The following TSC2 variants were observed in gnomAD, a reference collection of about 807,000 sequenced individuals.
TSC2 encodes tuberin.
In TSC2, 29 loss-of-function variants were observed where a neutral mutation model predicts 202.2. The ratio of observed to expected loss-of-function variants is 0.14; its 90% confidence interval spans 0.11 to 0.20. The LOEUF (loss-of-function observed/expected upper bound fraction) is 0.20, where lower values mean the gene tolerates loss of function less well. Among genes scored for constraint, TSC2 ranks in the 10% least tolerant of loss-of-function variants. The pLI, the probability that TSC2 is intolerant of heterozygous loss-of-function variation, is 1.00. For missense variants in TSC2, 2,429 were observed against 2,420.0 expected (o/e 1.00, Z -0.08); for synonymous variants, 1,349 against 1,044.0 (o/e 1.29, Z -5.63).
rs1346678348 is a variant in TSC2 at position 2,056,185 on chromosome 16, G to T, written c.600-11G>T. 1.2e-6 allele frequency: 2 copies of T among 1,613,804 alleles called. No individual in the cohort carries two copies. Among genetic ancestry groups the T allele is most frequent in the Non-Finnish European group, 1.7e-6 (2 of 1,180,036 alleles). On this transcript the variant is annotated splice_polypyrimidine_tract_variant and intron_variant, in intron 6 of 41. Transcript: ENST00000219476. The stretch of plus-strand genomic sequence containing the variant: ...CAGTGCTGCCGGGACTGAGCTCGGT[G>T]CTCCCTGCAGGATGATCTGTCTGCT...
chr16:2,089,325 A>T lies in TSC2; in HGVS notation c.*715A>T, dbSNP rs1322515397. The T allele has an allele frequency of 3.3e-6, 1 of 301,302 alleles. No individual in the cohort carries two copies. Among genetic ancestry groups the T allele is most frequent in the Non-Finnish European group, 6.3e-6 (1 of 159,686 alleles). 18.7% of individuals were successfully genotyped at this position (301,302 alleles called of 1,614,324 possible). A position where few individuals can be genotyped will look rare whatever the true frequency, so the allele number is the denominator to read the frequency against. ...GAGACGGTGCAGGGAGTACGGTAGG[A>T]ACTGGAGAGGTAATAACTTAGGGGC... On this transcript the variant is annotated 3_prime_UTR_variant, in exon 42 of 42. Transcript: ENST00000219476.
chr16:2,073,908 A>G (rs1022929254), intron 21 of TSC2, among the ~76,000 whole-genome samples: 2 of 152,264 alleles, frequency 1.3e-5, no homozygotes, highest in African/African-American at 4.8e-5. Context: ...TTCAGGCAGC[A>G]CTGCCCCTTG....
chr16:2,069,518 C>T (rs935296904), intron 16 of TSC2, among the ~76,000 whole-genome samples: 48 of 150,076 alleles, frequency 3.2e-4, no homozygotes, highest in East Asian at 8.0e-4. Flanking sequence ...CTTGCTCTGT[C>T]GCCCAGGCTG....
chr16:2,071,386 C>A, intron 17 of TSC2, 124 bp from the exon 18 acceptor site: 1 of 895,326 alleles, frequency 1.1e-6, no homozygotes, highest in Non-Finnish European at 1.8e-6. Context: ...TGGGTGTGTG[C>A]ACATCAGCAG....
At position 2,088,542 on chromosome 16, in the gene TSC2, C is replaced by T. The variant is rs371543182; in HGVS notation, c.5356C>T (p.Pro1786Ser). 41 of 1,612,224 alleles carry T rather than the reference C, an allele frequency of 2.5e-5. No individual in the cohort carries two copies. Among genetic ancestry groups the T allele is most frequent in the Non-Finnish European group, 3.4e-5 (40 of 1,180,000 alleles). The change falls in exon 42 of 42, where the codon CCT (proline) becomes TCT (serine). Residue 1786 changes from proline (P) to serine (S), a missense_variant. Transcript: ENST00000219476. ...TGCACAGACTCCAGCCGAGCCCACA[C>T]CTGGCTATGAGGTGGGCCAGCGGAA... Reference protein sequence around the residue: ...APAQTPAEPTPGYEVGQRKRL... With the variant: ...APAQTPAEPTSGYEVGQRKRL...
At position 2,054,342 on chromosome 16, in the gene TSC2, A is replaced by G. The variant is rs2151041424; in HGVS notation, c.383A>G (p.Lys128Arg). 2 of 1,614,190 alleles carry G rather than the reference A, an allele frequency of 1.2e-6. No individual in the cohort carries two copies. The highest frequency in any genetic ancestry group is 1.7e-6 in the Non-Finnish European group (2 of 1,180,016). Reference sequence around the variant, plus strand: ...AGAGCCCTCTTCTTTAAGGTCATCAAGGATTACCCTTCCAACGAAGACCTT... The same window carrying G: ...AGAGCCCTCTTCTTTAAGGTCATCAGGGATTACCCTTCCAACGAAGACCTT... ...VLRALFFKVIKDYPSNEDLHE... is the reference protein window; with the variant it reads ...VLRALFFKVIRDYPSNEDLHE... Residue 128 changes from lysine (K) to arginine (R), a missense_variant, in exon 5 of 42, where the codon AAG (lysine) becomes AGG (arginine). Coordinates refer to ENST00000219476, the MANE Select transcript of TSC2 (RefSeq NM_000548.5).
At chr16:2,074,510 C>A in intron 22 of TSC2, 121 bp downstream of exon 22, 1 of 1,283,122 alleles carries the variant, frequency 7.8e-7, no homozygotes, top group Non-Finnish European at 1.1e-6. Flanking sequence ...CCTTCTGCTG[C>A]CTCAGGGCCT....
intron 16 of TSC2, among the ~76,000 whole-genome samples, chr16:2,070,194 G>A (rs1399148475): frequency 6.6e-6 from 1 of 152,212 alleles, no homozygotes; most frequent in Non-Finnish European, 1.5e-5. Flanking sequence ...TGCCCTGTCT[G>A]CCACGCAGCT....
intron 17 of TSC2, 23 bp from the exon 18 acceptor site, chr16:2,071,487 T>G: frequency 2.0e-5 from 32 of 1,613,104 alleles, no homozygotes; most frequent in Non-Finnish European, 2.7e-5. Context: ...TGGCTCTGGC[T>G]TTCACCATCC....
chr16:2,053,241 C>A, intron 3 of TSC2, 101 bp from the exon 4 acceptor site: 2 of 1,192,484 alleles, frequency 1.7e-6, no homozygotes, highest in South Asian at 2.6e-5. Flanking sequence ...CACAAGCCCC[C>A]GTTGTTCCTC....
At position 2,088,661 on chromosome 16, in the gene TSC2, GA is replaced by G. The variant is rs2091232361; in HGVS notation, c.*54del. ...GCCTTGGACGGTATTGCCTGTCAGT[GA>G]AATAAATAAAGTCCTGACCCCAGTG... On this transcript the variant is annotated 3_prime_UTR_variant, in exon 42 of 42. Coordinates refer to ENST00000219476, the MANE Select transcript of TSC2 (RefSeq NM_000548.5). 8 of 1,562,218 alleles carry G rather than the reference GA, an allele frequency of 5.1e-6. No homozygotes were observed. The highest frequency in any genetic ancestry group is 6.0e-6 in the Non-Finnish European group (7 of 1,160,670).
chr16:2,072,598 T>G, intron 20 of TSC2: 1 of 785,360 alleles, frequency 1.3e-6, no homozygotes, highest in Non-Finnish European at 2.0e-6. Flanking sequence ...TGTCACTGAA[T>G]GTGGATGTCT....
At position 2,072,927 on chromosome 16, in the gene TSC2, G is replaced by T. The variant is rs745359720; in HGVS notation, c.2299G>T (p.Val767Phe). ...FSRTDLHLAV[V>F]PVLTALISYH... Reference sequence around the variant, plus strand: ...CAGAACTGACTTGCACCTGGCCGTGGTTCCAGTGCTGACAGCATTAATCTC... The same window carrying T: ...CAGAACTGACTTGCACCTGGCCGTGTTTCCAGTGCTGACAGCATTAATCTC... The change falls in exon 21 of 42, where the codon GTT becomes TTT. Residue 767 changes from valine to phenylalanine, a missense_variant. Val to Phe is a conservative substitution (Grantham distance 50). Coordinates refer to ENST00000219476, the MANE Select transcript of TSC2 (RefSeq NM_000548.5). 1 of 1,613,654 alleles carries T rather than the reference G, an allele frequency of 6.2e-7. No individual in the cohort carries two copies. The highest frequency in any genetic ancestry group is 8.5e-7 in the Non-Finnish European group (1 of 1,180,028).
chr16:2,072,978 A>G lies in TSC2; in HGVS notation c.2350A>G (p.Lys784Glu), dbSNP rs751172150. The G allele has an allele frequency of 9.3e-6, 15 of 1,613,512 alleles. No individual in the cohort carries two copies. The highest frequency in any genetic ancestry group is 1.3e-5 in the Non-Finnish European group (15 of 1,180,026). Reference protein sequence around the residue: ...ISYHNYLDKTKQREMVYCLEQ... With the variant: ...ISYHNYLDKTEQREMVYCLEQ... Reference sequence around the variant, plus strand: ...TTACCATAACTACCTGGACAAAACCAAACAGGTAGGAGGTCAGAGCAGGAC... The same window carrying G: ...TTACCATAACTACCTGGACAAAACCGAACAGGTAGGAGGTCAGAGCAGGAC... Residue 784 changes from lysine to glutamate, a missense_variant, in exon 21 of 42, where the codon AAA becomes GAA. Lys to Glu is a moderately conservative substitution (Grantham distance 56, BLOSUM62 1). Coordinates refer to ENST00000219476, the MANE Select transcript of TSC2 (RefSeq NM_000548.5).
In TSC2 at chr16:2,055,614, T is replaced by C. The variant is rs576745951; in HGVS notation, c.599+95T>C. On this transcript the variant is annotated intron_variant, in intron 6 of 41. Coordinates refer to ENST00000219476, the MANE Select transcript of TSC2 (RefSeq NM_000548.5). Reference sequence around the variant, plus strand: ...ACCACCAAAAAAATAGAGGTTGGGCTGGGCACAATGGCTCACGCCTGTAAT... The same window carrying C: ...ACCACCAAAAAAATAGAGGTTGGGCCGGGCACAATGGCTCACGCCTGTAAT... 223 of 1,187,246 alleles carry C rather than the reference T, an allele frequency of 1.9e-4. 1 individual carries two copies. Among genetic ancestry groups the C allele is most frequent in the Admixed American group, 6.4e-4 (38 of 59,248 alleles). 73.5% of individuals were successfully genotyped at this position (1,187,246 alleles called of 1,614,324 possible). A position where few individuals can be genotyped will look rare whatever the true frequency, so the allele number is the denominator to read the frequency against.
In TSC2 at chr16:2,058,424, G is replaced by A. The variant is rs113694289; in HGVS notation, c.849-323G>A. On this transcript the variant is annotated intron_variant, in intron 9 of 41. Coordinates refer to ENST00000219476, the MANE Select transcript of TSC2 (RefSeq NM_000548.5). Reference sequence around the variant, plus strand: ...CTGTGATTGGAGGAAGAGATTTTGCGTTTACCTGGGAGATTATGTGGCTGG... The same window carrying A: ...CTGTGATTGGAGGAAGAGATTTTGCATTTACCTGGGAGATTATGTGGCTGG... 0.011 allele frequency among the ~76,000 whole-genome samples: 1,706 copies of A among 152,334 alleles called. 28 individuals carry two copies. Among genetic ancestry groups the A allele is most frequent in the African/African-American group, 0.039 (1,607 of 41,570 alleles).
intron 7 of TSC2, 25 bp from the exon 8 acceptor site, chr16:2,056,619 C>G (rs1197831551): frequency 6.2e-7 from 1 of 1,605,984 alleles, no homozygotes. Context: ...GTAGGACGGG[C>G]GTGAGCCGTC....
In TSC2 at chr16:2,062,123, T is replaced by A. The variant is rs2086716289; in HGVS notation, c.1257+115T>A. The A allele has an allele frequency of 2.0e-6, 3 of 1,465,068 alleles. No individual in the cohort carries two copies. In the African/African-American group the frequency reaches 4.2e-5, roughly 20 times the overall value. 90.8% of individuals were successfully genotyped at this position (1,465,068 alleles called of 1,614,324 possible). ...AGCCAAGGGCCAGGTGGGCGCCTGC[T>A]TTCCAGGTTTCTGCACTCGGCAGGG... On this transcript the variant is annotated intron_variant, in intron 12 of 41. Transcript: ENST00000219476.
chr16:2,083,637 G>A (rs748656032), intron 32 of TSC2, 58 bp from the exon 33 acceptor site: 15 of 1,551,530 alleles, frequency 9.7e-6, no homozygotes, highest in East Asian at 2.4e-5. Context: ...CGGAGGCCAC[G>A]TCAGGGCCAG....
Sources: gnomAD v4.1 joint callset for allele counts (sites outside exome capture counted in the v4.1 genomes callset) on GRCh38, gnomAD v4.1.1 for gene constraint, MANE v1.5 for transcripts, NCBI Gene and HGNC (gene_info 2026-07-23, HGNC 2026-07-21) for gene names.